Variants in TMEM131 observed in about 807,000 individuals in gnomAD.
TMEM131 encodes the protein 2610524E03Rik.
Under a neutral mutation model 211.6 loss-of-function variants are expected in TMEM131, and 66 were observed. The observed-to-expected ratio is 0.31, with a 90% CI of 0.26 to 0.38. The LOEUF (loss-of-function observed/expected upper bound fraction) is 0.38, where lower values mean the gene tolerates loss of function less well. Among genes scored for constraint, TMEM131 ranks in the 10% least tolerant of loss-of-function variants. The pLI, the probability that TMEM131 is intolerant of heterozygous loss-of-function variation, is 1.00. For synonymous variants in TMEM131, 844 were observed against 841.3 expected (o/e 1.00, Z -0.06); for missense variants, 2,036 against 2,299.3 (o/e 0.89, Z 2.34).
chr2:97,822,945 A>T (rs1261743766), intron 11 of TMEM131, among the ~76,000 whole-genome samples: 2 of 152,134 alleles, frequency 1.3e-5, no homozygotes, highest in African/African-American at 4.8e-5. Context: ...TGGTCCCAAT[A>T]TTCTCTCTCT....
At chr2:97,930,403 A>G (rs1677169873) in intron 1 of TMEM131, among the ~76,000 whole-genome samples, 1 of 151,830 alleles carries the variant, frequency 6.6e-6, no homozygotes, top group Admixed American at 6.6e-5. Context: ...CTTTAAAAAT[A>G]TATAAAAATT....
At chr2:97,929,206 T>C (rs145601780) in intron 1 of TMEM131, among the ~76,000 whole-genome samples, 1 of 151,476 alleles carries the variant, frequency 6.6e-6, no homozygotes, top group East Asian at 1.9e-4. Flanking sequence ...CCTACACTGA[T>C]GGGGATAGAG....
chr2:97,835,468 C>T (rs1430162861), intron 8 of TMEM131, among the ~76,000 whole-genome samples: 1 of 152,196 alleles, frequency 6.6e-6, no homozygotes, highest in African/African-American at 2.4e-5. Context: ...AGACAGCATA[C>T]ATTTTCAGTC....
intron 5 of TMEM131, among the ~76,000 whole-genome samples, chr2:97,845,263 G>T (rs776723382): frequency 3.1e-4 from 47 of 152,032 alleles, no homozygotes; most frequent in Admixed American, 1.0e-3. Context: ...CCATGGCAGA[G>T]AAGGGAAGAA....
At chr2:97,855,122 C>T (rs1301073413) in intron 5 of TMEM131, among the ~76,000 whole-genome samples, 1 of 152,206 alleles carries the variant, frequency 6.6e-6, no homozygotes, top group East Asian at 1.9e-4. Context: ...TAAGTAGACA[C>T]TTCATAAATA....
chr2:97,935,779 T>G (rs1166880357), intron 1 of TMEM131, among the ~76,000 whole-genome samples: 1 of 152,202 alleles, frequency 6.6e-6, no homozygotes, highest in Non-Finnish European at 1.5e-5. Flanking sequence ...CTCTGGCAAT[T>G]AACCAAAAGC....
intron 33 of TMEM131, among the ~76,000 whole-genome samples, chr2:97,767,208 T>C (rs1229000543): frequency 1.3e-5 from 2 of 152,214 alleles, no homozygotes; most frequent in African/African-American, 4.8e-5. Context: ...AAATATATTT[T>C]TTATTGATTT....
At chr2:97,954,239 G>A (rs746913428) in intron 1 of TMEM131, among the ~76,000 whole-genome samples, 5 of 152,048 alleles carry the variant, frequency 3.3e-5, no homozygotes, top group African/African-American at 7.2e-5. Flanking sequence ...CTGGTTCTCT[G>A]AAAAATAATC....
intron 4 of TMEM131, among the ~76,000 whole-genome samples, chr2:97,869,619 C>T (rs558712881): frequency 7.2e-5 from 11 of 152,308 alleles, no homozygotes; most frequent in African/African-American, 2.4e-4. Context: ...TAGCTCTGGG[C>T]AGTCCACACC....
intron 2 of TMEM131, among the ~76,000 whole-genome samples, chr2:97,914,394 G>A (rs1231097389): frequency 6.6e-6 from 1 of 152,148 alleles, no homozygotes; most frequent in East Asian, 1.9e-4. Flanking sequence ...AGTTTTGTAT[G>A]TCCTCATTTG....
intron 4 of TMEM131, among the ~76,000 whole-genome samples, chr2:97,878,625 CTCG>C (rs903321509): frequency 2.0e-5 from 3 of 152,226 alleles, no homozygotes; most frequent in African/African-American, 7.2e-5. Flanking sequence ...CATGTTCTTA[CTCG>C]TAAGTGGGAG....
chr2:97,991,564 TAGAC>T (rs1195191615), intron 1 of TMEM131, among the ~76,000 whole-genome samples: 4 of 152,150 alleles, frequency 2.6e-5, no homozygotes, highest in Non-Finnish European at 5.9e-5. Context: ...CACCAGCAGC[TAGAC>T]ACACACAGGG....
chr2:97,971,878 TA>T (rs1679312078), intron 1 of TMEM131, among the ~76,000 whole-genome samples: 1 of 150,872 alleles, frequency 6.6e-6, no homozygotes, highest in Non-Finnish European at 1.5e-5. Context: ...ATAAGCAAAA[TA>T]AAATAAAATC....
chr2:97,843,441 T>A (rs550600464), intron 6 of TMEM131, among the ~76,000 whole-genome samples: 282 of 152,298 alleles, frequency 1.9e-3, no homozygotes, highest in Middle Eastern at 3.4e-3. Context: ...GCTCAAGCGA[T>A]CCTCCCACTT....
intron 1 of TMEM131, among the ~76,000 whole-genome samples, chr2:97,995,246 G>C (rs375160127): frequency 1.3e-4 from 20 of 152,242 alleles, no homozygotes; most frequent in Non-Finnish European, 2.2e-4. Flanking sequence ...AAGTCAGGAA[G>C]TTTTGAAATG....
intron 2 of TMEM131, among the ~76,000 whole-genome samples, chr2:97,913,343 C>G (rs1300044279): frequency 2.0e-5 from 3 of 152,178 alleles, no homozygotes; most frequent in African/African-American, 7.2e-5. Context: ...ATCTCCTTGC[C>G]TTTTAATTCA....
chr2:97,776,817 C>T (rs1333463205), intron 31 of TMEM131, among the ~76,000 whole-genome samples: 1 of 152,176 alleles, frequency 6.6e-6, no homozygotes, highest in Non-Finnish European at 1.5e-5. Flanking sequence ...CAAACCCTGG[C>T]AGCTTTCTAC....
chr2:97,899,758 C>T (rs1001530621), intron 3 of TMEM131, among the ~76,000 whole-genome samples: 1 of 152,072 alleles, frequency 6.6e-6, no homozygotes, highest in Non-Finnish European at 1.5e-5. Context: ...TATATCTATC[C>T]CTTTCCCTAT....
At chr2:97,918,040 G>A (rs1375682993) in intron 2 of TMEM131, among the ~76,000 whole-genome samples, 2 of 151,754 alleles carry the variant, frequency 1.3e-5, no homozygotes, top group East Asian at 1.9e-4. Context: ...TCCGCCTCCC[G>A]GGTTCAAGCA....
Sources: gnomAD v4.1 joint callset for allele counts (sites outside exome capture counted in the v4.1 genomes callset) on GRCh38, gnomAD v4.1.1 for gene constraint, MANE v1.5 for transcripts, NCBI Gene and HGNC (gene_info 2026-07-23, HGNC 2026-07-21) for gene names.